The following ST14 variants were observed in gnomAD, a reference collection of about 807,000 sequenced individuals.
ST14 encodes suppressor of tumorigenicity 14 protein.
Under a neutral mutation model 96.5 loss-of-function variants are expected in ST14, and 40 were observed. That is an observed-to-expected ratio of 0.41 (90% CI 0.32 to 0.54). ST14 has a LOEUF of 0.54. Ranked by LOEUF, ST14 falls within the 20% of genes least tolerant of loss-of-function variation. The pLI, the probability that ST14 is intolerant of heterozygous loss-of-function variation, is 0.17. For missense variants in ST14, 1,066 were observed against 1,188.9 expected, an observed-to-expected ratio of 0.90 and a Z score of 1.52; for synonymous variants, 506 against 492.1, an observed-to-expected ratio of 1.03 and a Z score of -0.37.
intron 11 of ST14, 65 bp downstream of exon 11, chr11:130,196,765 A>G: frequency 6.2e-7 from 1 of 1,609,954 alleles, no homozygotes; most frequent in South Asian, 1.1e-5. Context: ...TCTACCCTGC[A>G]TCTCGTTAGC....
chr11:130,197,848 G>C lies in ST14; in HGVS notation c.1362G>C (p.Pro454=), dbSNP rs779901666. ...YLSYDSSDPC[P]GQFTCRTGRC... is the part of the protein sequence containing the mutation. Reference sequence around the variant, plus strand: ...GCCTGCCTGTGCCCGCAGCATGCCCGGGGCAGTTCACGTGCCGCACGGGGC... The same window carrying C: ...GCCTGCCTGTGCCCGCAGCATGCCCCGGGCAGTTCACGTGCCGCACGGGGC... The change falls in exon 12 of 19, where the codon CCG becomes CCC. Residue 454 remains proline (P), a synonymous_variant. Coordinates refer to ENST00000278742, the MANE Select transcript of ST14 (RefSeq NM_021978.4). The C allele has an allele frequency of 6.3e-6, 10 of 1,576,938 alleles. No individual in the cohort carries two copies. The highest frequency in any genetic ancestry group is 8.6e-6 in the Non-Finnish European group (10 of 1,165,454).
chr11:130,209,520 A>G lies in ST14; in HGVS notation c.2348A>G (p.Gln783Arg). The change falls in exon 18 of 19, where the codon CAG (glutamine) becomes CGG (arginine). Residue 783 changes from glutamine to arginine, a missense_variant. Physicochemically the swap from Gln to Arg is conservative, Grantham distance 43. Coordinates refer to ENST00000278742, the MANE Select transcript of ST14 (RefSeq NM_021978.4). Reference sequence around the variant, plus strand: ...ACCTGCGAGAACCTCCTGCCGCAGCAGATCACGCCGCGCATGATGTGCGTG... The same window carrying G: ...ACCTGCGAGAACCTCCTGCCGCAGCGGATCACGCCGCGCATGATGTGCGTG... ...QTTCENLLPQ[Q>R]ITPRMMCVGF... 2 of 1,581,648 alleles carry G rather than the reference A, an allele frequency of 1.3e-6. No homozygotes were observed. Among genetic ancestry groups the G allele is most frequent in the East Asian group, 2.3e-5 (1 of 43,436 alleles).
intron 17 of ST14, among the ~76,000 whole-genome samples, chr11:130,209,176 C>T (rs1953520373): frequency 6.6e-6 from 1 of 152,152 alleles, no homozygotes; most frequent in Admixed American, 6.5e-5. Flanking sequence ...GCCTTCCCTC[C>T]GCCTCTCTGC....
chr11:130,176,788 C>CTTTT (rs56764956), intron 1 of ST14, among the ~76,000 whole-genome samples: 5 of 59,244 alleles, frequency 8.4e-5, no homozygotes, highest in Non-Finnish European at 1.0e-4. Flanking sequence ...TAGGGCTTAA[C>CTTTT]TTTTTTTTTT....
chr11:130,203,226 C>T (rs192012208), intron 16 of ST14, among the ~76,000 whole-genome samples: 9 of 152,196 alleles, frequency 5.9e-5, no homozygotes, highest in South Asian at 2.1e-4. Context: ...GTTGGGGTCA[C>T]GGGGAATTGA....
At chr11:130,189,275 T>G (rs562828290) in intron 4 of ST14, 48 of 490,346 alleles carry the variant, frequency 9.8e-5, no homozygotes, top group African/African-American at 8.7e-4. Context: ...AGCCCCCACA[T>G]TTTCTGTGCT....
At chr11:130,176,230 C>T (rs1390384389) in intron 1 of ST14, among the ~76,000 whole-genome samples, 1 of 152,014 alleles carries the variant, frequency 6.6e-6, no homozygotes, top group East Asian at 1.9e-4. Context: ...ATCATTGGTA[C>T]CTCTTTTTCT....
chr11:130,194,782 ATG>A, intron 9 of ST14, 45 bp downstream of exon 9: 1 of 1,589,620 alleles, frequency 6.3e-7, no homozygotes, highest in Middle Eastern at 1.7e-4. Flanking sequence ...GTGAGCATGT[ATG>A]TGCACGTGTG....
intron 11 of ST14, 21 bp from the exon 12 acceptor site, chr11:130,197,820 C>T: frequency 6.5e-7 from 1 of 1,542,916 alleles, no homozygotes; most frequent in Non-Finnish European, 8.7e-7. Context: ...CTGGGGGCCT[C>T]AGGCCTGCCT....
chr11:130,203,676 G>A (rs1170042344), intron 16 of ST14, among the ~76,000 whole-genome samples: 1 of 151,990 alleles, frequency 6.6e-6, no homozygotes, highest in East Asian at 1.9e-4. Flanking sequence ...TTTTGAGACC[G>A]AGTTTCACTT....
At chr11:130,168,704 T>G (rs959557086) in intron 1 of ST14, among the ~76,000 whole-genome samples, 1 of 152,216 alleles carries the variant, frequency 6.6e-6, no homozygotes, top group East Asian at 1.9e-4. Flanking sequence ...GCTTGTATCC[T>G]ATTCCCCCAG....
chr11:130,202,491 G>A (rs1278162956), intron 16 of ST14, among the ~76,000 whole-genome samples: 1 of 152,178 alleles, frequency 6.6e-6, no homozygotes, highest in African/African-American at 2.4e-5. Flanking sequence ...AGGGACTCGG[G>A]GGGTGACTGT....
intron 7 of ST14, among the ~76,000 whole-genome samples, chr11:130,192,103 C>T (rs867981757): frequency 2.0e-5 from 3 of 152,162 alleles, no homozygotes; most frequent in South Asian, 4.1e-4. Context: ...AGGTGCTGTG[C>T]GTGGTGGGTG....
At chr11:130,174,992 C>CT (rs1953122946) in intron 1 of ST14, among the ~76,000 whole-genome samples, 1 of 152,190 alleles carries the variant, frequency 6.6e-6, no homozygotes, top group African/African-American at 2.4e-5. Flanking sequence ...AATTACGCGT[C>CT]TAGTATATCT....
chr11:130,198,294 T>C lies in ST14; in HGVS notation c.1460-14T>C, dbSNP rs762158526. 1.2e-6 allele frequency: 2 copies of C among 1,613,262 alleles called. No individual in the cohort carries two copies. The highest frequency in any genetic ancestry group is 1.7e-6 in the Non-Finnish European group (2 of 1,179,260). On this transcript the variant is annotated splice_polypyrimidine_tract_variant and intron_variant, in intron 12 of 18. Coordinates refer to ENST00000278742, the MANE Select transcript of ST14 (RefSeq NM_021978.4). ...TGAGGGCCTCACGGCCGACCTCCCC[T>C]TACCCCACTCCAGGTTGCGACGCCG...
chr11:130,185,963 G>A lies in ST14; in HGVS notation c.82-2151G>A, dbSNP rs573601971. Among the ~76,000 whole-genome samples, 19 of 152,120 alleles carry A rather than the reference G, an allele frequency of 1.2e-4. 1 individual carries two copies. In the South Asian group the frequency reaches 3.1e-3, roughly 25 times the overall value. On this transcript the variant is annotated intron_variant, in intron 1 of 18. Coordinates refer to ENST00000278742, the MANE Select transcript of ST14 (RefSeq NM_021978.4). Reference sequence around the variant, plus strand: ...GCTGGGATTACATGCACGTGCCACCGCGCCTGGCTAATTTTTGTATTGTTA... The same window carrying A: ...GCTGGGATTACATGCACGTGCCACCACGCCTGGCTAATTTTTGTATTGTTA...
intron 1 of ST14, among the ~76,000 whole-genome samples, chr11:130,183,064 C>T (rs540623291): frequency 6.6e-6 from 1 of 152,100 alleles, no homozygotes; most frequent in East Asian, 1.9e-4. Context: ...TCAAGCGACT[C>T]TCCTGCCTCA....
chr11:130,185,221 A>C (rs7118100), intron 1 of ST14, among the ~76,000 whole-genome samples: 15,707 of 152,266 alleles, frequency 0.1, 1,573 homozygotes, highest in African/African-American at 0.26. Flanking sequence ...ATTCAAAGAA[A>C]CAGAAAGCTC....
intron 5 of ST14, 70 bp downstream of exon 5, chr11:130,189,966 C>T: frequency 6.2e-7 from 1 of 1,611,898 alleles, no homozygotes; most frequent in East Asian, 2.2e-5. Flanking sequence ...GGCCCTGGAC[C>T]ATTGCAGGGG....
Sources: allele counts gnomAD v4.1 joint callset (sites outside exome capture counted in the v4.1 genomes callset), GRCh38; gene constraint gnomAD v4.1.1; transcripts MANE v1.5; gene names NCBI Gene and HGNC (gene_info 2026-07-23, HGNC 2026-07-21).